Variants in ZNF143 observed in about 807,000 individuals in gnomAD.
The protein encoded by ZNF143 is zinc finger protein 143.
In ZNF143, 49 loss-of-function variants were observed where a neutral mutation model predicts 74.1. The observed-to-expected ratio is 0.66, with a 90% confidence interval of 0.53 to 0.84. ZNF143 has a LOEUF of 0.84. Ranked by LOEUF, ZNF143 falls within the 40% of genes least tolerant of loss-of-function variation. The pLI is 0.00. For missense variants in ZNF143, 637 were observed against 793.4 expected (o/e 0.80, Z 2.37); for synonymous variants, 304 against 282.8 (o/e 1.07, Z -0.75).
At chr11:9,461,142 G>T (rs978923194) in intron 1 of ZNF143, 66 bp downstream of exon 1, 5 of 961,442 alleles carry the variant, frequency 5.2e-6, no homozygotes, top group East Asian at 2.3e-4. Flanking sequence ...CCCTCAGCGC[G>T]GCGGCGCGGG....
chr11:9,471,941 T>G (rs1328528129), intron 2 of ZNF143, among the ~76,000 whole-genome samples: 2 of 151,768 alleles, frequency 1.3e-5, no homozygotes, highest in African/African-American at 2.4e-5. Flanking sequence ...TTTTGTTTTT[T>G]TTTTTTGAGA....
At chr11:9,518,009 C>T (rs1251505383) in intron 14 of ZNF143, among the ~76,000 whole-genome samples, 5 of 152,032 alleles carry the variant, frequency 3.3e-5, no homozygotes, top group South Asian at 2.1e-4. Flanking sequence ...AGTCTAAAAA[C>T]GGACTGTATT....
intron 3 of ZNF143, 51 bp from the exon 4 acceptor site, chr11:9,473,890 G>C (rs1262289545): frequency 6.2e-7 from 1 of 1,612,960 alleles, no homozygotes; most frequent in Admixed American, 1.7e-5. Flanking sequence ...ATTGTATAAA[G>C]TTTAAAATTT....
At chr11:9,520,889 A>C (rs1189336349) in intron 14 of ZNF143, among the ~76,000 whole-genome samples, 1 of 152,282 alleles carries the variant, frequency 6.6e-6, no homozygotes, top group Non-Finnish European at 1.5e-5. Flanking sequence ...TAAGTGGTCT[A>C]TCATTGTGGT....
chr11:9,523,106 T>C (rs1730197556), intron 14 of ZNF143, among the ~76,000 whole-genome samples: 1 of 152,224 alleles, frequency 6.6e-6, no homozygotes, highest in Non-Finnish European at 1.5e-5. Context: ...CTGGACCTTG[T>C]GGATGACACA....
intron 5 of ZNF143, among the ~76,000 whole-genome samples, chr11:9,475,803 A>C (rs571217829): frequency 6.6e-6 from 1 of 152,198 alleles, no homozygotes; most frequent in South Asian, 2.1e-4. Flanking sequence ...AGGCTGAGGC[A>C]GGAGAATCGC....
At chr11:9,462,594 C>G (rs990862644) in intron 1 of ZNF143, among the ~76,000 whole-genome samples, 8 of 151,836 alleles carry the variant, frequency 5.3e-5, no homozygotes, top group African/African-American at 1.9e-4. Flanking sequence ...GAATTTTAGC[C>G]TGGGTGTGGT....
intron 11 of ZNF143, among the ~76,000 whole-genome samples, chr11:9,508,223 T>C (rs146536369): frequency 4.4e-4 from 67 of 152,362 alleles, no homozygotes; most frequent in African/African-American, 1.4e-3. Flanking sequence ...TTATTATCTT[T>C]ATGAAATTCT....
intron 12 of ZNF143, 103 bp downstream of exon 12, chr11:9,508,949 C>T (rs140283639): frequency 4.7e-4 from 547 of 1,174,474 alleles, no homozygotes; most frequent in Non-Finnish European, 3.8e-4. Context: ...ATGTGTCATT[C>T]GTATAATCAC....
intron 13 of ZNF143, among the ~76,000 whole-genome samples, chr11:9,513,111 A>G (rs895981687): frequency 6.6e-6 from 1 of 152,178 alleles, no homozygotes; most frequent in Non-Finnish European, 1.5e-5. Context: ...CAAACTTGTT[A>G]TTATTTTCTA....
chr11:9,512,068 A>G (rs926311445), intron 12 of ZNF143, among the ~76,000 whole-genome samples: 1 of 152,108 alleles, frequency 6.6e-6, no homozygotes, highest in African/African-American at 2.4e-5. Flanking sequence ...CTCTTAAGTG[A>G]ATGCGAGAAT....
intron 14 of ZNF143, among the ~76,000 whole-genome samples, chr11:9,518,463 A>T (rs957973830): frequency 2.0e-5 from 3 of 152,238 alleles, no homozygotes; most frequent in African/African-American, 7.2e-5. Flanking sequence ...CTGTAATCCC[A>T]GCACTTTGGG....
At chr11:9,470,700 G>A (rs909623169) in intron 1 of ZNF143, among the ~76,000 whole-genome samples, 3 of 152,156 alleles carry the variant, frequency 2.0e-5, no homozygotes, top group Non-Finnish European at 2.9e-5. Flanking sequence ...AGGATTTGGG[G>A]ATTTTACTCT....
intron 14 of ZNF143, among the ~76,000 whole-genome samples, chr11:9,517,694 G>A (rs2134220042): frequency 6.6e-6 from 1 of 152,130 alleles, no homozygotes; most frequent in African/African-American, 2.4e-5. Context: ...TTCTTGTACT[G>A]TGCTAAAGGC....
Position 9,474,003 on chromosome 11 carries a change from C to T in ZNF143, c.268C>T (p.His90Tyr). Reference sequence around the variant, plus strand: ...AGATGGTTCTGCGGCCTATGTTCAACATGTACCCATACCTAAAAGTAGTAA... The same window carrying T: ...AGATGGTTCTGCGGCCTATGTTCAATATGTACCCATACCTAAAAGTAGTAA... ...LEDGSAAYVQ[H>Y]VPIPKSTGDS... The change falls in exon 4 of 16, where the codon CAT becomes TAT. Residue 90 changes from histidine to tyrosine, a missense_variant. His to Tyr is a moderately conservative substitution (Grantham distance 83). Around this residue, in one of 2 missense-constraint regions of ZNF143, gnomAD observed 293 missense variants for 307.8 expected, o/e 0.95. Coordinates refer to ENST00000396602, the MANE Select transcript of ZNF143 (RefSeq NM_003442.6). The T allele has an allele frequency of 6.2e-7, 1 of 1,613,420 alleles. No homozygotes were observed. The highest frequency in any genetic ancestry group is 8.5e-7 in the Non-Finnish European group (1 of 1,179,416).
chr11:9,512,360 T>C lies in ZNF143; in HGVS notation c.1376-88T>C. The C allele has an allele frequency of 2.7e-6, 4 of 1,480,920 alleles. No homozygotes were observed. In the East Asian group the frequency reaches 7.0e-5, roughly 26 times the overall value. The allele number at this position is 1,480,920 out of a possible 1,614,324, so 91.7% of individuals were successfully genotyped here. A position where few individuals can be genotyped will look rare whatever the true frequency, so the allele number is the denominator to read the frequency against. ...ATATAATACATGTACATTTTAATTA[T>C]GTAATTTTCTCTTTAATATTTAAAA... On this transcript the variant is annotated intron_variant, in intron 12 of 15. Transcript: ENST00000396602.
chr11:9,502,225 C>T (rs1261059163), intron 11 of ZNF143, among the ~76,000 whole-genome samples: 5 of 143,000 alleles, frequency 3.5e-5, no homozygotes, highest in Non-Finnish European at 6.1e-5. Context: ...TGTGAGCCAC[C>T]GCGCCTGGCC....
intron 12 of ZNF143, among the ~76,000 whole-genome samples, chr11:9,511,591 C>G (rs575229959): frequency 1.3e-5 from 2 of 151,578 alleles, no homozygotes; most frequent in Admixed American, 1.3e-4. Flanking sequence ...TGTGAGCCAC[C>G]ATACCCGGCC....
At chr11:9,496,892 C>T (rs965152270) in intron 9 of ZNF143, among the ~76,000 whole-genome samples, 12 of 151,924 alleles carry the variant, frequency 7.9e-5, no homozygotes, top group African/African-American at 2.7e-4. Context: ...GCCACTGCAC[C>T]TGGCCTGCCT....
Sources: allele counts gnomAD v4.1 joint callset (sites outside exome capture counted in the v4.1 genomes callset), GRCh38; gene constraint gnomAD v4.1.1; regional missense constraint gnomAD v4.1.1; transcripts MANE v1.5; gene names NCBI Gene and HGNC (gene_info 2026-07-23, HGNC 2026-07-21).